LOC128125817: variants seen among roughly 807,000 people sequenced by gnomAD.
At chr1:41,621,456 G>A in the LOC128125817 span, among the ~76,000 whole-genome samples, 7 of 152,240 alleles carry the variant, frequency 4.6e-5, no homozygotes, top group East Asian at 1.3e-3. Flanking sequence ...GCCGTGGCCA[G>A]ACTGCTCTGT....
At chr1:41,619,047 C>T in the LOC128125817 span, among the ~76,000 whole-genome samples, 3 of 152,032 alleles carry the variant, frequency 2.0e-5, no homozygotes, top group Admixed American at 1.3e-4. Flanking sequence ...CAGCCTCCTT[C>T]GGCAGGACAG....
the LOC128125817 span, among the ~76,000 whole-genome samples, chr1:41,597,895 A>C: frequency 6.6e-6 from 1 of 152,346 alleles, no homozygotes; most frequent in Admixed American, 6.5e-5. Flanking sequence ...TCTACAAACA[A>C]GGCCCAGATG....
At chr1:41,592,755 T>A in the LOC128125817 span, among the ~76,000 whole-genome samples, 4 of 152,258 alleles carry the variant, frequency 2.6e-5, no homozygotes, top group African/African-American at 4.8e-5. Context: ...TTTCTGCAGA[T>A]GCTTGGCTCA....
the LOC128125817 span, among the ~76,000 whole-genome samples, chr1:41,605,164 AG>A: frequency 3.9e-5 from 1 of 25,354 alleles, no homozygotes; most frequent in Admixed American, 6.0e-4. Flanking sequence ...AGGGGTGGAG[AG>A]GGGAGGGGAG....
the LOC128125817 span, among the ~76,000 whole-genome samples, chr1:41,600,833 AT>A: frequency 6.6e-6 from 1 of 152,080 alleles, no homozygotes; most frequent in African/African-American, 2.4e-5. Context: ...GTTTTCTCCT[AT>A]GTTTTCTTCT....
At chr1:41,600,296 G>C in the LOC128125817 span, among the ~76,000 whole-genome samples, 2 of 152,200 alleles carry the variant, frequency 1.3e-5, no homozygotes, top group Non-Finnish European at 2.9e-5. Context: ...ATTTACAACA[G>C]CCAAAGGTGG....
the LOC128125817 span, among the ~76,000 whole-genome samples, chr1:41,624,038 A>G: frequency 6.6e-6 from 1 of 152,180 alleles, no homozygotes; most frequent in Non-Finnish European, 1.5e-5. Flanking sequence ...TTGCTCATCA[A>G]CAACTGCTAG....
At chr1:41,624,903 C>T in the LOC128125817 span, among the ~76,000 whole-genome samples, 169 of 152,264 alleles carry the variant, frequency 1.1e-3, no homozygotes, top group Admixed American at 3.3e-3. Flanking sequence ...CGGTGGCTCA[C>T]GCCTGTAATC....
chr1:41,608,205 A>C, the LOC128125817 span, among the ~76,000 whole-genome samples: 1 of 152,210 alleles, frequency 6.6e-6, no homozygotes, highest in Admixed American at 6.5e-5. Flanking sequence ...GGTTCCCTGC[A>C]GGAGGGTGAA....
chr1:41,586,657 A>C, the LOC128125817 span, among the ~76,000 whole-genome samples: 2 of 152,098 alleles, frequency 1.3e-5, no homozygotes, highest in African/African-American at 4.8e-5. Context: ...ACATTTTTGC[A>C]GGTGCTCAGA....
chr1:41,594,374 C>A, the LOC128125817 span, among the ~76,000 whole-genome samples: 7 of 152,216 alleles, frequency 4.6e-5, no homozygotes, highest in African/African-American at 1.7e-4. Context: ...AGGCGTGCAC[C>A]ACCACACCCA....
At chr1:41,623,643 G>C in the LOC128125817 span, among the ~76,000 whole-genome samples, 1 of 152,100 alleles carries the variant, frequency 6.6e-6, no homozygotes, top group South Asian at 2.1e-4. Context: ...AGGACTCCTG[G>C]GTTTCATTCC....
the LOC128125817 span, among the ~76,000 whole-genome samples, chr1:41,589,191 G>C: frequency 5.9e-5 from 9 of 152,220 alleles, no homozygotes; most frequent in Non-Finnish European, 1.3e-4. Flanking sequence ...AATGGGCCCA[G>C]GAGCTGGGCC....
At chr1:41,612,391 T>C in the LOC128125817 span, among the ~76,000 whole-genome samples, 8 of 152,290 alleles carry the variant, frequency 5.3e-5, no homozygotes, top group South Asian at 1.7e-3. Flanking sequence ...TCTCATTTAA[T>C]TTCACCCAAG....
the LOC128125817 span, among the ~76,000 whole-genome samples, chr1:41,628,121 T>C: frequency 6.6e-6 from 1 of 152,162 alleles, no homozygotes; most frequent in East Asian, 1.9e-4. Flanking sequence ...ATACCAGGCC[T>C]CTCCCCAGGC....
chr1:41,619,432 A>G, the LOC128125817 span, among the ~76,000 whole-genome samples: 4 of 152,238 alleles, frequency 2.6e-5, no homozygotes, highest in Non-Finnish European at 5.9e-5. Flanking sequence ...CTCACAAAAT[A>G]TACAGTCTAT....
the LOC128125817 span, among the ~76,000 whole-genome samples, chr1:41,611,891 C>G: frequency 1.3e-5 from 2 of 152,178 alleles, no homozygotes; most frequent in Non-Finnish European, 2.9e-5. Flanking sequence ...TGCCTGAGGT[C>G]GGCTCACCCC....
the LOC128125817 span, among the ~76,000 whole-genome samples, chr1:41,591,531 A>G: frequency 1.3e-5 from 2 of 152,102 alleles, no homozygotes; most frequent in Admixed American, 6.5e-5. Flanking sequence ...GGCACAAGCT[A>G]GAACTGATAA....
chr1:41,599,899 G>A, the LOC128125817 span, among the ~76,000 whole-genome samples: 1 of 152,132 alleles, frequency 6.6e-6, no homozygotes, highest in African/African-American at 2.4e-5. Flanking sequence ...TTAAAAAAAT[G>A]AGCAAAGGAC....
Sources: gnomAD v4.1 joint callset for allele counts (sites outside exome capture counted in the v4.1 genomes callset) on GRCh38, gnomAD v4.1.1 for gene constraint, MANE v1.5 for transcripts.